The following LHCGR variants were observed in gnomAD, a reference collection of about 807,000 sequenced individuals.
LHCGR encodes luteinizing hormone/choriogonadotropin receptor.
LHCGR carries 55 observed loss-of-function variants against 60.7 expected under a neutral mutation model. The observed-to-expected ratio is 0.91, with a 90% CI of 0.73 to 1.13. The LOEUF (loss-of-function observed/expected upper bound fraction) is 1.13, where lower values mean the gene tolerates loss of function less well. LHCGR is among the 50% of genes most tolerant of loss of function. The probability of loss-of-function intolerance (pLI) is 0.00; values close to 1 mark genes in which losing one functional copy is unlikely to be tolerated. For synonymous variants in LHCGR, 337 were observed against 316.5 expected, an observed-to-expected ratio of 1.06 and a Z score of -0.69; for missense variants, 862 against 836.0, an observed-to-expected ratio of 1.03 and a Z score of -0.38.
At chr2:48,710,437 G>A (rs17326321) in intron 7 of LHCGR, among the ~76,000 whole-genome samples, 11,727 of 152,194 alleles carry the variant, frequency 0.077, 505 homozygotes, top group Middle Eastern at 0.14. Flanking sequence ...TTCAAATTTC[G>A]TGACAGAGCA....
At chr2:48,744,997 A>C (rs1175847827) in intron 1 of LHCGR, among the ~76,000 whole-genome samples, 2 of 152,244 alleles carry the variant, frequency 1.3e-5, no homozygotes, top group East Asian at 3.9e-4. Flanking sequence ...ACAAATTTAC[A>C]AGAAAAAAAC....
intron 1 of LHCGR, among the ~76,000 whole-genome samples, chr2:48,745,650 A>T (rs1669665174): frequency 7.0e-6 from 1 of 141,862 alleles, no homozygotes; most frequent in Non-Finnish European, 1.5e-5. Flanking sequence ...GAACAGTGAG[A>T]ACACATGGAC....
intron 9 of LHCGR, among the ~76,000 whole-genome samples, chr2:48,698,324 C>G (rs1358562947): frequency 6.6e-6 from 1 of 152,148 alleles, no homozygotes; most frequent in Admixed American, 6.5e-5. Context: ...CTTTGAGATG[C>G]CAGTTTTGTA....
intron 1 of LHCGR, among the ~76,000 whole-genome samples, chr2:48,745,697 G>A (rs1348623088): frequency 4.9e-5 from 6 of 123,226 alleles, no homozygotes; most frequent in East Asian, 2.7e-4. Context: ...GGACTGTTGT[G>A]GGGTGGGGGG....
intron 8 of LHCGR, among the ~76,000 whole-genome samples, chr2:48,703,696 A>G (rs532781670): frequency 2.0e-4 from 30 of 152,070 alleles, no homozygotes; most frequent in Non-Finnish European, 2.6e-4. Context: ...TTAATTTCTT[A>G]TTGGTGAATA....
chr2:48,698,818 G>A lies in LHCGR; in HGVS notation c.681-18C>T. ...AAATATCCCTGAACAATAAAGGGGAGAAATGCTTTTTATTTATTTATTTTA... is the reference window on the plus strand; with the variant it reads ...AAATATCCCTGAACAATAAAGGGGAAAAATGCTTTTTATTTATTTATTTTA... On this transcript the variant is annotated intron_variant, in intron 8 of 10. Coordinates refer to ENST00000294954, the MANE Select transcript of LHCGR (RefSeq NM_000233.4). 1.3e-6 allele frequency: 2 copies of A among 1,593,884 alleles called. 1 individual carries two copies. The highest frequency in any genetic ancestry group is 2.2e-5 in the South Asian group (2 of 90,146).
intron 1 of LHCGR, among the ~76,000 whole-genome samples, chr2:48,745,987 C>T (rs1047557357): frequency 6.6e-6 from 1 of 152,004 alleles, no homozygotes; most frequent in Non-Finnish European, 1.5e-5. Context: ...TAGTTAAGAG[C>T]GCACACTCTG....
chr2:48,755,298 TG>T (rs1670156554), intron 1 of LHCGR, among the ~76,000 whole-genome samples: 1 of 152,030 alleles, frequency 6.6e-6, no homozygotes, highest in African/African-American at 2.4e-5. Context: ...GGGTAAAGAA[TG>T]GGGCTGGGGC....
At chr2:48,719,236 C>G (rs543754107) in intron 6 of LHCGR, among the ~76,000 whole-genome samples, 1 of 152,072 alleles carries the variant, frequency 6.6e-6, no homozygotes, top group African/African-American at 2.4e-5. Flanking sequence ...GCAGGAGAAT[C>G]GCTTGAACCC....
intron 8 of LHCGR, among the ~76,000 whole-genome samples, chr2:48,699,292 C>T (rs1667286772): frequency 6.6e-6 from 1 of 151,956 alleles, no homozygotes. Flanking sequence ...CTCATGTGCG[C>T]CTCATTATTC....
intron 1 of LHCGR, among the ~76,000 whole-genome samples, chr2:48,746,041 A>G (rs558501045): frequency 3.3e-5 from 5 of 152,224 alleles, no homozygotes; most frequent in Non-Finnish European, 7.4e-5. Context: ...CACATCTATA[A>G]AGTGTGTATA....
At position 48,742,556 on chromosome 2, in the gene LHCGR, C is replaced by T. The variant is rs1669508181; in HGVS notation, c.162-11258G>A. On this transcript the variant is annotated intron_variant, in intron 1 of 10. Coordinates refer to ENST00000294954, the MANE Select transcript of LHCGR (RefSeq NM_000233.4). The stretch of plus-strand genomic sequence containing the variant: ...AAGAATCTCACTCAAAACCGCTCAA[C>T]TACATGGAAACTGAACAACCTGCTC... Among the ~76,000 whole-genome samples the T allele has an allele frequency of 2.0e-5, 3 of 151,812 alleles. No homozygotes were observed. The South Asian group carries it at 6.3e-4, about 32-fold the overall frequency.
intron 1 of LHCGR, among the ~76,000 whole-genome samples, chr2:48,742,882 C>CA (rs1669526606): frequency 6.6e-6 from 1 of 151,840 alleles, no homozygotes; most frequent in Non-Finnish European, 1.5e-5. Flanking sequence ...AAAAACCCTT[C>CA]AAAAAATTAA....
chr2:48,721,967 T>A (rs1218099303), intron 6 of LHCGR, among the ~76,000 whole-genome samples: 1 of 152,172 alleles, frequency 6.6e-6, no homozygotes, highest in Non-Finnish European at 1.5e-5. Context: ...CTGTCCAACA[T>A]GGTGAAATCC....
At chr2:48,722,436 A>G (rs1668540825) in intron 6 of LHCGR, among the ~76,000 whole-genome samples, 1 of 152,196 alleles carries the variant, frequency 6.6e-6, no homozygotes, top group African/African-American at 2.4e-5. Flanking sequence ...TGCATTACAA[A>G]TTATAATCCC....
At chr2:48,712,128 AC>A (rs1668023384) in intron 7 of LHCGR, among the ~76,000 whole-genome samples, 1 of 151,762 alleles carries the variant, frequency 6.6e-6, no homozygotes, top group Non-Finnish European at 1.5e-5. Context: ...CTCAAAGCCC[AC>A]CTTTCTCAGA....
chr2:48,741,716 G>A (rs571839473), intron 1 of LHCGR, among the ~76,000 whole-genome samples: 8 of 151,510 alleles, frequency 5.3e-5, no homozygotes, highest in African/African-American at 1.2e-4. Context: ...AGGAACAACC[G>A]GTACCAGCCG....
chr2:48,734,070 T>C (rs1308929558), intron 1 of LHCGR, among the ~76,000 whole-genome samples: 2 of 152,200 alleles, frequency 1.3e-5, no homozygotes, highest in African/African-American at 4.8e-5. Flanking sequence ...AACGTTTTCT[T>C]CACAGCATTG....
At chr2:48,752,255 T>C (rs1179782486) in intron 1 of LHCGR, among the ~76,000 whole-genome samples, 1 of 152,334 alleles carries the variant, frequency 6.6e-6, no homozygotes, top group East Asian at 1.9e-4. Flanking sequence ...CTATAATCCA[T>C]GTACCTTGTT....
Sources: allele counts gnomAD v4.1 joint callset (sites outside exome capture counted in the v4.1 genomes callset), GRCh38; gene constraint gnomAD v4.1.1; transcripts MANE v1.5; gene names NCBI Gene and HGNC (gene_info 2026-07-23, HGNC 2026-07-21).